Variants in MRTFB observed in about 807,000 individuals in gnomAD.
MRTFB encodes the protein myocardin-related transcription factor B.
MRTFB carries 29 observed loss-of-function variants against 104.2 expected under a neutral mutation model. The observed-to-expected ratio is 0.28, with a 90% CI of 0.21 to 0.38. The LOEUF (loss-of-function observed/expected upper bound fraction) is 0.38. MRTFB is among the 10% of genes least tolerant of loss of function. MRTFB has a pLI of 1.00. For missense variants in MRTFB, 1,270 were observed against 1,341.6 expected (o/e 0.95, Z 0.83); for synonymous variants, 535 against 519.5 (o/e 1.03, Z -0.41).
chr16:14,246,883 A>G lies in MRTFB; in HGVS notation c.1623A>G (p.Ser541=), dbSNP rs1332500710. 1.2e-6 allele frequency: 2 copies of G among 1,613,522 alleles called. No individual in the cohort carries two copies. The highest frequency in any genetic ancestry group is 1.7e-6 in the Non-Finnish European group (2 of 1,180,044). The change falls in exon 12 of 17, where the codon TCA becomes TCG. Residue 541 remains serine (S), a synonymous_variant. Transcript: ENST00000571589. ...TMMSPSQFLS[S]SPLRMTNNED... ...TGTCGCCTTCACAGTTCTTGAGTTC[A>G]TCTCCTTTGAGAATGACAAATAATG...
chr16:14,010,623 C>T, the MRTFB span, among the ~76,000 whole-genome samples: 3 of 151,420 alleles, frequency 2.0e-5, no homozygotes, highest in Non-Finnish European at 4.4e-5. Flanking sequence ...ATGAGGTCTC[C>T]CTATGTTGCC....
At chr16:14,199,116 A>G (rs769985643) in intron 3 of MRTFB, among the ~76,000 whole-genome samples, 17 of 152,262 alleles carry the variant, frequency 1.1e-4, no homozygotes, top group South Asian at 4.2e-4. Flanking sequence ...CCTGACTTAC[A>G]TCCATCACTT....
chr16:14,096,575 G>A (rs977158330), intron 2 of MRTFB, among the ~76,000 whole-genome samples: 1 of 152,180 alleles, frequency 6.6e-6, no homozygotes. Flanking sequence ...GGATGCCCTC[G>A]AGTAGCTGTA....
intron 3 of MRTFB, among the ~76,000 whole-genome samples, chr16:14,194,578 T>C (rs2040341879): frequency 6.6e-6 from 1 of 152,226 alleles, no homozygotes; most frequent in African/African-American, 2.4e-5. Context: ...TTTCTAGTGG[T>C]ATTTTAAGGT....
the MRTFB span, among the ~76,000 whole-genome samples, chr16:14,040,470 T>C: frequency 6.6e-6 from 1 of 151,612 alleles, no homozygotes; most frequent in Admixed American, 6.6e-5. Context: ...CTAAATCTTT[T>C]TTTTTTTTTT....
At chr16:14,117,310 A>G (rs2036592436) in intron 2 of MRTFB, among the ~76,000 whole-genome samples, 1 of 152,234 alleles carries the variant, frequency 6.6e-6, no homozygotes, top group South Asian at 2.1e-4. Flanking sequence ...CCCAGTGAGA[A>G]AGACACTGGT....
At chr16:14,006,858 A>G in the MRTFB span, among the ~76,000 whole-genome samples, 1 of 152,106 alleles carries the variant, frequency 6.6e-6, no homozygotes, top group South Asian at 2.1e-4. Context: ...TCTACAAAAA[A>G]TAAACAAAAT....
At position 14,249,050 on chromosome 16, in the gene MRTFB, A is replaced by G. The variant is rs1347091174; in HGVS notation, c.2372A>G (p.His791Arg). 6.2e-7 allele frequency: 1 copy of G among 1,614,198 alleles called. No homozygotes were observed. Among genetic ancestry groups the G allele is most frequent in the South Asian group, 1.1e-5 (1 of 91,082 alleles). ...CAGACACAAGACACGTTCCCGCAGC[A>G]TGTGCTCAGTCAGCCTCAACAAGTC... ...VPQTQDTFPQ[H>R]VLSQPQQVRK... Residue 791 changes from histidine to arginine, a missense_variant, in exon 13 of 17, where the codon CAT becomes CGT. Coordinates refer to ENST00000571589, the MANE Select transcript of MRTFB (RefSeq NM_001308142.2).
At chr16:14,110,321 G>A (rs1422200143) in intron 2 of MRTFB, among the ~76,000 whole-genome samples, 2 of 152,180 alleles carry the variant, frequency 1.3e-5, no homozygotes, top group Admixed American at 6.5e-5. Context: ...GCGAGTTTAG[G>A]CCTTGGGTCA....
intron 2 of MRTFB, among the ~76,000 whole-genome samples, chr16:14,125,623 C>A (rs1224714092): frequency 6.6e-6 from 1 of 152,206 alleles, no homozygotes; most frequent in Admixed American, 6.5e-5. Flanking sequence ...TTTCCACTCA[C>A]CTGATAAAAC....
intron 3 of MRTFB, among the ~76,000 whole-genome samples, chr16:14,190,649 G>T (rs1171293616): frequency 6.6e-6 from 1 of 151,664 alleles, no homozygotes; most frequent in Non-Finnish European, 1.5e-5. Context: ...AAACCAAGTT[G>T]TGTGTTAATT....
At chr16:14,226,127 A>C (rs1369271522) in intron 8 of MRTFB, among the ~76,000 whole-genome samples, 1 of 152,204 alleles carries the variant, frequency 6.6e-6, no homozygotes, top group Non-Finnish European at 1.5e-5. Context: ...TGGAAGACTT[A>C]ATATTGTTAA....
At chr16:14,181,505 A>T (rs1040379490) in intron 3 of MRTFB, among the ~76,000 whole-genome samples, 3 of 152,218 alleles carry the variant, frequency 2.0e-5, no homozygotes, top group Non-Finnish European at 2.9e-5. Flanking sequence ...CTGAGGATCT[A>T]TTAGCAAGTA....
At chr16:14,002,458 G>A in the MRTFB span, among the ~76,000 whole-genome samples, 1 of 150,776 alleles carries the variant, frequency 6.6e-6, no homozygotes, top group Non-Finnish European at 1.5e-5. Context: ...CTTGAGACTC[G>A]ATGAAATTAA....
intron 2 of MRTFB, among the ~76,000 whole-genome samples, chr16:14,115,952 C>G (rs75307671): frequency 0.057 from 8,729 of 152,262 alleles, 494 homozygotes; most frequent in East Asian, 0.29. Context: ...GGGGCCTCCT[C>G]CCACTCCATC....
intron 9 of MRTFB, among the ~76,000 whole-genome samples, chr16:14,239,269 G>T (rs774443914): frequency 7.2e-5 from 11 of 152,180 alleles, no homozygotes; most frequent in Non-Finnish European, 1.2e-4. Flanking sequence ...ATATAAACAA[G>T]AATGTTAATA....
At chr16:14,233,036 T>A (rs1263343883) in intron 8 of MRTFB, among the ~76,000 whole-genome samples, 2 of 152,244 alleles carry the variant, frequency 1.3e-5, no homozygotes, top group Non-Finnish European at 2.9e-5. Flanking sequence ...TTTATTACAA[T>A]AGTAATTGTT....
intron 3 of MRTFB, among the ~76,000 whole-genome samples, chr16:14,190,698 G>A (rs566909798): frequency 7.9e-5 from 12 of 152,230 alleles, no homozygotes; most frequent in South Asian, 4.1e-4. Context: ...ACCCTCAATC[G>A]CAGTGTTTTA....
chr16:14,243,201 C>T (rs1270648817), intron 10 of MRTFB, among the ~76,000 whole-genome samples: 1 of 152,212 alleles, frequency 6.6e-6, no homozygotes, highest in Non-Finnish European at 1.5e-5. Flanking sequence ...ATATTTGCCA[C>T]TTCATCCAAT....
Sources: allele counts gnomAD v4.1 joint callset (sites outside exome capture counted in the v4.1 genomes callset), GRCh38; gene constraint gnomAD v4.1.1; transcripts MANE v1.5; gene names NCBI Gene and HGNC (gene_info 2026-07-23, HGNC 2026-07-21).